The following SMG6 variants were observed in gnomAD, a reference collection of about 807,000 sequenced individuals.
SMG6 encodes the protein SMG6 nonsense mediated mRNA decay factor.
A neutral mutation model predicts 142.2 loss-of-function variants in SMG6; 66 were observed. The ratio of observed to expected loss-of-function variants is 0.46; its 90% CI spans 0.38 to 0.57. The LOEUF is 0.57. SMG6 is among the 20% of genes least tolerant of loss of function. The probability of loss-of-function intolerance (pLI) is 0.00; values close to 1 mark genes in which losing one functional copy is unlikely to be tolerated. For missense variants in SMG6, 1,793 were observed against 1,832.0 expected, an observed-to-expected ratio of 0.98 and a Z score of 0.39; for synonymous variants, 779 against 702.4, an observed-to-expected ratio of 1.11 and a Z score of -1.72.
chr17:2,141,939 G>A (rs1373976660), intron 13 of SMG6, among the ~76,000 whole-genome samples: 1 of 152,194 alleles, frequency 6.6e-6, no homozygotes, highest in African/African-American at 2.4e-5. Flanking sequence ...TACAATCACT[G>A]TTTACCATTT....
chr17:2,235,175 C>T (rs1004663210), intron 10 of SMG6, among the ~76,000 whole-genome samples: 3 of 152,166 alleles, frequency 2.0e-5, no homozygotes, highest in Non-Finnish European at 2.9e-5. Flanking sequence ...ACTTAAGAAT[C>T]GATGCTTCCT....
At chr17:2,277,658 T>C (rs184726973) in intron 8 of SMG6, among the ~76,000 whole-genome samples, 2 of 152,368 alleles carry the variant, frequency 1.3e-5, no homozygotes, top group Admixed American at 6.5e-5. Context: ...AATGTATATA[T>C]TGCATTATAG....
At chr17:2,066,164 G>A (rs11658953) in intron 16 of SMG6, 167 of 166,510 alleles carry the variant, frequency 1.0e-3, no homozygotes, top group Middle Eastern at 3.2e-3. Flanking sequence ...ATGGAGGAAG[G>A]GGCAGTCACA....
chr17:2,075,832 C>T (rs1448309860), intron 15 of SMG6, among the ~76,000 whole-genome samples: 2 of 152,198 alleles, frequency 1.3e-5, no homozygotes, highest in African/African-American at 2.4e-5. Flanking sequence ...CCTGGGTGGG[C>T]GGACTTGGCG....
In SMG6 at chr17:2,277,163, TTATTTTTTA is replaced by T. The variant is rs1310109916; in HGVS notation, c.2661+5475_2661+5483del. Among the ~76,000 whole-genome samples the T allele has an allele frequency of 3.6e-3, 239 of 65,544 alleles. 4 individuals carry two copies. Among genetic ancestry groups the T allele is most frequent in the Middle Eastern group, 0.017 (2 of 118 alleles). 43.0% of individuals were successfully genotyped at this position (65,544 alleles called of 152,430 possible). A position where few individuals can be genotyped will look rare whatever the true frequency, so the allele number is the denominator to read the frequency against. Reference sequence around the variant, plus strand: ...TTTATTTATTTATTTATTTATTTATTTATTTTTTATTTTTTTTTTTTTTGAGACAGAGTC... The same window carrying T: ...TTTATTTATTTATTTATTTATTTATTTTTTTTTTTTTTTTGAGACAGAGTC... On this transcript the variant is annotated intron_variant, in intron 8 of 18. Coordinates refer to ENST00000263073, the MANE Select transcript of SMG6 (RefSeq NM_017575.5).
At position 2,172,684 on chromosome 17, in the gene SMG6, A is replaced by C. The variant is rs1166964989; in HGVS notation, c.3331T>G (p.Cys1111Gly). ...VPLLAAPQDP[C>G]YVEKTSDKVI... ...TTATCCGAGGTTTTCTCCACGTAGC[A>C]GGGGTCCTGAGGGGCAGCCAGCAAG... The change falls in exon 13 of 19, where the codon TGC becomes GGC. Residue 1111 changes from cysteine to glycine, a missense_variant. Transcript: ENST00000263073. The C allele has an allele frequency of 6.2e-7, 1 of 1,613,868 alleles. No individual in the cohort carries two copies. Among genetic ancestry groups the C allele is most frequent in the Non-Finnish European group, 8.5e-7 (1 of 1,180,022 alleles).
rs1176234245 is a variant in SMG6 at position 2,156,102 on chromosome 17, A to C, written c.3357+16556T>G. Among the ~76,000 whole-genome samples, 3 of 148,094 alleles carry C rather than the reference A, an allele frequency of 2.0e-5. No individual in the cohort carries two copies. The Admixed American group carries it at 2.0e-4, about 10-fold the overall frequency. On this transcript the variant is annotated intron_variant, in intron 13 of 18. Transcript: ENST00000263073. The stretch of plus-strand genomic sequence containing the variant: ...TTTCAGGGGCACTCAGATTAGATAG[A>C]GCTCAGGCCGGGTGCCGTGGTTCAC...
chr17:2,094,397 C>T lies in SMG6; in HGVS notation c.3358-8496G>A, dbSNP rs1440527107. ...GGGGCTACAGGCACGTGCCACCACACCCAGCTAAGTTTTGTATATTTAGTA... is the reference window on the plus strand; with the variant it reads ...GGGGCTACAGGCACGTGCCACCACATCCAGCTAAGTTTTGTATATTTAGTA... On this transcript the variant is annotated intron_variant, in intron 13 of 18. Transcript: ENST00000263073. Among the ~76,000 whole-genome samples the T allele has an allele frequency of 3.3e-5, 5 of 152,312 alleles. No homozygotes were observed. The East Asian group carries it at 5.8e-4, about 18-fold the overall frequency.
At chr17:2,101,075 T>G (rs2068994482) in intron 13 of SMG6, 1 of 152,126 alleles carries the variant, frequency 6.6e-6, no homozygotes, top group Non-Finnish European at 1.5e-5. Context: ...CAACTCTATT[T>G]TTCAAAGGTG....
chr17:2,282,967 T>C (rs1038292021), intron 7 of SMG6, 108 bp from the exon 8 acceptor site: 62 of 1,058,424 alleles, frequency 5.9e-5, no homozygotes, highest in Non-Finnish European at 8.4e-5. Context: ...GGTCAGGAGT[T>C]TGAGACCAGC....
At chr17:2,202,965 ACCCTGGCTTT>A (rs2072576234) in intron 10 of SMG6, among the ~76,000 whole-genome samples, 1 of 152,118 alleles carries the variant, frequency 6.6e-6, no homozygotes, top group South Asian at 2.1e-4. Context: ...TCCAGAGGAC[ACCCTGGCTTT>A]CCCTTCTTCT....
chr17:2,135,159 C>A (rs372286337), intron 13 of SMG6, among the ~76,000 whole-genome samples: 33 of 152,308 alleles, frequency 2.2e-4, no homozygotes, highest in African/African-American at 7.9e-4. Flanking sequence ...GGATTACAGG[C>A]ATGAGCCACT....
intron 18 of SMG6, among the ~76,000 whole-genome samples, chr17:2,063,574 T>A (rs1307631163): frequency 4.6e-5 from 7 of 152,080 alleles, no homozygotes; most frequent in African/African-American, 1.7e-4. Flanking sequence ...GAGGCTGGGG[T>A]GGGGCCCAGC....
At chr17:2,234,449 G>A (rs943056170) in intron 10 of SMG6, among the ~76,000 whole-genome samples, 2 of 151,514 alleles carry the variant, frequency 1.3e-5, no homozygotes, top group African/African-American at 4.9e-5. Flanking sequence ...TTTTAGTATA[G>A]ACAGGGTTTC....
intron 8 of SMG6, among the ~76,000 whole-genome samples, chr17:2,270,535 G>A (rs1383220569): frequency 6.6e-6 from 1 of 152,188 alleles, no homozygotes; most frequent in Admixed American, 6.5e-5. Flanking sequence ...TTGAGCCTGG[G>A]AGATGGAGGC....
At chr17:2,292,204 T>G (rs572873572) in intron 6 of SMG6, among the ~76,000 whole-genome samples, 1 of 152,224 alleles carries the variant, frequency 6.6e-6, no homozygotes, top group Non-Finnish European at 1.5e-5. Context: ...AGCCTTATTT[T>G]TCGTCTAGAA....
At chr17:2,104,423 G>A (rs776583204) in intron 13 of SMG6, among the ~76,000 whole-genome samples, 11 of 152,068 alleles carry the variant, frequency 7.2e-5, no homozygotes, top group Non-Finnish European at 1.5e-4. Flanking sequence ...AAGCACTTGG[G>A]TATTTATTGT....
At chr17:2,266,098 C>A (rs1259815273) in intron 8 of SMG6, 5 of 985,220 alleles carry the variant, frequency 5.1e-6, no homozygotes, top group Non-Finnish European at 6.0e-6. Context: ...TTTCTGTTCA[C>A]CATGCGTGCC....
intron 13 of SMG6, among the ~76,000 whole-genome samples, chr17:2,146,721 A>T (rs1226401187): frequency 1.3e-5 from 2 of 152,096 alleles, no homozygotes; most frequent in East Asian, 3.9e-4. Flanking sequence ...GCATGCTGCC[A>T]CGCCCGGCTA....
Sources: allele counts gnomAD v4.1 joint callset (sites outside exome capture counted in the v4.1 genomes callset), GRCh38; gene constraint gnomAD v4.1.1; transcripts MANE v1.5; gene names NCBI Gene and HGNC (gene_info 2026-07-23, HGNC 2026-07-21).